Variants in CBFA2T2 observed in about 807,000 individuals in gnomAD.
CBFA2T2 encodes CBFA2/RUNX1 partner transcriptional co-repressor 2.
A neutral mutation model predicts 62.2 loss-of-function variants in CBFA2T2; 11 were observed. That is an observed-to-expected ratio of 0.18 (90% CI 0.11 to 0.29). The LOEUF (loss-of-function observed/expected upper bound fraction) is 0.29, where lower values mean the gene tolerates loss of function less well. CBFA2T2 is among the 10% of genes least tolerant of loss of function. The pLI, the probability that CBFA2T2 is intolerant of heterozygous loss-of-function variation, is 1.00. For missense variants in CBFA2T2, 592 were observed against 774.1 expected (o/e 0.76, Z 2.79); for synonymous variants, 295 against 287.5 (o/e 1.03, Z -0.27).
chr20:33,597,403 G>A (rs138742226), intron 1 of CBFA2T2, among the ~76,000 whole-genome samples: 1 of 152,132 alleles, frequency 6.6e-6, no homozygotes, highest in Non-Finnish European at 1.5e-5. Flanking sequence ...CTACCTGGGG[G>A]TTATGTTAAG....
At chr20:33,634,100 C>T (rs1380337605) in intron 8 of CBFA2T2, among the ~76,000 whole-genome samples, 1 of 152,124 alleles carries the variant, frequency 6.6e-6, no homozygotes, top group Non-Finnish European at 1.5e-5. Context: ...TCCCAAGTAG[C>T]TGGAATTACA....
chr20:33,522,922 C>A (rs371787161), intron 1 of CBFA2T2, among the ~76,000 whole-genome samples: 3 of 151,892 alleles, frequency 2.0e-5, no homozygotes, highest in African/African-American at 4.8e-5. Context: ...TTAAAAGATC[C>A]CTAAAAAAAG....
At chr20:33,557,256 G>A (rs746456303) in intron 1 of CBFA2T2, among the ~76,000 whole-genome samples, 8 of 151,732 alleles carry the variant, frequency 5.3e-5, no homozygotes, top group South Asian at 2.1e-4. Context: ...CTTGTGATCC[G>A]CCTGCCTTGG....
intron 1 of CBFA2T2, among the ~76,000 whole-genome samples, chr20:33,516,447 G>A (rs190510560): frequency 1.1e-4 from 16 of 152,282 alleles, no homozygotes; most frequent in Non-Finnish European, 2.1e-4. Context: ...TCCAGCCTGA[G>A]CAACAGAGTG....
intron 1 of CBFA2T2, among the ~76,000 whole-genome samples, chr20:33,591,467 C>CAAAAAA (rs11475752): frequency 1.0e-5 from 1 of 98,078 alleles, no homozygotes; most frequent in Non-Finnish European, 2.2e-5. Flanking sequence ...GAGTAAATCT[C>CAAAAAA]AAAAAAAAAA....
chr20:33,561,086 C>G (rs1335039467), intron 1 of CBFA2T2, among the ~76,000 whole-genome samples: 3 of 152,164 alleles, frequency 2.0e-5, no homozygotes, highest in African/African-American at 7.2e-5. Flanking sequence ...CCATGTTGGC[C>G]AGGATGGTCT....
chr20:33,637,737 G>A (rs1330139157), intron 9 of CBFA2T2, among the ~76,000 whole-genome samples: 1 of 149,780 alleles, frequency 6.7e-6, no homozygotes, highest in Non-Finnish European at 1.5e-5. Context: ...GTGTGATCTC[G>A]GCTCACTGCA....
chr20:33,622,901 A>G (rs147258960), intron 4 of CBFA2T2, among the ~76,000 whole-genome samples: 56 of 152,372 alleles, frequency 3.7e-4, no homozygotes, highest in African/African-American at 1.3e-3. Context: ...TTCCTTAAGC[A>G]TATTTACATC....
intron 5 of CBFA2T2, chr20:33,623,785 T>C (rs1436105201): frequency 1.4e-6 from 1 of 714,474 alleles, no homozygotes; most frequent in South Asian, 1.5e-5. Context: ...GCATAATACA[T>C]CTAAAATCTA....
chr20:33,580,889 AT>A (rs1568831753), intron 1 of CBFA2T2, among the ~76,000 whole-genome samples: 1 of 152,130 alleles, frequency 6.6e-6, no homozygotes, highest in African/African-American at 2.4e-5. Context: ...GGCAGACTCC[AT>A]TTGGGTAGGA....
At chr20:33,593,105 G>C (rs544958785) in intron 1 of CBFA2T2, among the ~76,000 whole-genome samples, 1 of 152,198 alleles carries the variant, frequency 6.6e-6, no homozygotes, top group Non-Finnish European at 1.5e-5. Flanking sequence ...GCCAAGGCAG[G>C]CAGATCACTT....
chr20:33,513,841 G>A (rs1476053566), intron 1 of CBFA2T2, among the ~76,000 whole-genome samples: 1 of 142,880 alleles, frequency 7.0e-6, no homozygotes, highest in African/African-American at 2.5e-5. Context: ...AAAAAAGAAT[G>A]TTGTACCTGT....
At chr20:33,545,678 G>T (rs13045068) in intron 1 of CBFA2T2, among the ~76,000 whole-genome samples, 39 of 151,710 alleles carry the variant, frequency 2.6e-4, no homozygotes, top group African/African-American at 9.2e-4. Flanking sequence ...AACTCCTGAC[G>T]TCAGGTTATC....
chr20:33,541,801 T>G (rs2012415869), intron 1 of CBFA2T2, among the ~76,000 whole-genome samples: 1 of 152,220 alleles, frequency 6.6e-6, no homozygotes, highest in African/African-American at 2.4e-5. Context: ...TTTTATTATA[T>G]CTTGTGTTAT....
At chr20:33,533,241 T>A (rs2146871258) in intron 1 of CBFA2T2, among the ~76,000 whole-genome samples, 1 of 152,326 alleles carries the variant, frequency 6.6e-6, no homozygotes, top group South Asian at 2.1e-4. Flanking sequence ...CAACATATCA[T>A]TCACTCCATA....
intron 1 of CBFA2T2, among the ~76,000 whole-genome samples, chr20:33,513,964 G>A (rs1452631308): frequency 3.3e-5 from 5 of 150,942 alleles, no homozygotes; most frequent in South Asian, 4.2e-4. Flanking sequence ...GCAGTGGTGC[G>A]ATCTCGGCTC....
intron 1 of CBFA2T2, among the ~76,000 whole-genome samples, chr20:33,558,340 C>T: frequency 6.6e-6 from 1 of 152,120 alleles, no homozygotes; most frequent in Non-Finnish European, 1.5e-5. Context: ...CCATGTTGGC[C>T]AGGCTGGTCT....
chr20:33,547,462 G>A (rs1303391057), intron 1 of CBFA2T2, among the ~76,000 whole-genome samples: 1 of 152,120 alleles, frequency 6.6e-6, no homozygotes, highest in Non-Finnish European at 1.5e-5. Flanking sequence ...CAGCACTTTG[G>A]GAGGCTTAGG....
chr20:33,580,928 CTGTT>C (rs2014083539), intron 1 of CBFA2T2, among the ~76,000 whole-genome samples: 2 of 152,094 alleles, frequency 1.3e-5, no homozygotes, highest in Non-Finnish European at 2.9e-5. Context: ...GATAACATTG[CTGTT>C]TGTTTTTGAA....
Sources: gnomAD v4.1 joint callset for allele counts (sites outside exome capture counted in the v4.1 genomes callset) on GRCh38, gnomAD v4.1.1 for gene constraint, MANE v1.5 for transcripts, NCBI Gene and HGNC (gene_info 2026-07-23, HGNC 2026-07-21) for gene names.